SUB1: variants seen among roughly 807,000 people sequenced by gnomAD.
SUB1 encodes the protein activated RNA polymerase II transcriptional coactivator p15.
SUB1 carries 1 observed loss-of-function variant against 16.9 expected under a neutral mutation model. The ratio of observed to expected loss-of-function variants is 0.06; its 90% CI spans 0.02 to 0.28. The LOEUF is 0.28. SUB1 is among the 10% of genes least tolerant of loss of function. The pLI, the probability that SUB1 is intolerant of heterozygous loss-of-function variation, is 1.00. For missense variants in SUB1, 84 were observed against 145.2 expected, an observed-to-expected ratio of 0.58 and a Z score of 2.16; for synonymous variants, 51 against 46.9, an observed-to-expected ratio of 1.09 and a Z score of -0.36.
chr5:32,601,225 T>A lies in SUB1; in HGVS notation c.*141T>A. On this transcript the variant is annotated 3_prime_UTR_variant, in exon 5 of 5. Coordinates refer to ENST00000265073, the MANE Select transcript of SUB1 (RefSeq NM_006713.4). ...AATTTGTAAGATGAATACTTTTTTT[T>A]AATGTGCATTATTAAAAATATTGAG... The A allele has an allele frequency of 3.1e-6, 2 of 647,384 alleles. No individual in the cohort carries two copies. The highest frequency in any genetic ancestry group is 5.3e-6 in the Non-Finnish European group (2 of 378,594). 40.1% of individuals were successfully genotyped at this position (647,384 alleles called of 1,614,324 possible).
chr5:32,593,672 C>G (rs1409738281), intron 3 of SUB1, among the ~76,000 whole-genome samples: 2 of 151,894 alleles, frequency 1.3e-5, no homozygotes, highest in Non-Finnish European at 2.9e-5. Flanking sequence ...AAGCCTGCCT[C>G]TAGGAGGAAC....
At chr5:32,598,854 A>G (rs1739046795) in intron 3 of SUB1, 107 bp from the exon 4 acceptor site, 1 of 813,294 alleles carries the variant, frequency 1.2e-6, no homozygotes, top group Non-Finnish European at 2.0e-6. Context: ...AGTCATTTTC[A>G]TGATTAGATG....
At chr5:32,600,866 A>C in intron 4 of SUB1, 139 bp from the exon 5 acceptor site, 2 of 667,994 alleles carry the variant, frequency 3.0e-6, no homozygotes, top group Non-Finnish European at 5.2e-6. Context: ...TGGCCTCCCA[A>C]AGTGCTGGGA....
At chr5:32,589,089 T>G (rs993927380) in intron 2 of SUB1, among the ~76,000 whole-genome samples, 1 of 151,982 alleles carries the variant, frequency 6.6e-6, no homozygotes, top group Non-Finnish European at 1.5e-5. Flanking sequence ...TTTTGTAAAA[T>G]GTTAATTTTT....
At position 32,590,771 on chromosome 5, in the gene SUB1, T is replaced by A. The variant is rs1478268215; in HGVS notation, c.73-792T>A. ...CCACCACGCCTGGCTAATTTTTTTTTTTTTTTTTTTTTTTGAGATGGAGTA... is the reference window on the plus strand; with the variant it reads ...CCACCACGCCTGGCTAATTTTTTTTATTTTTTTTTTTTTTGAGATGGAGTA... On this transcript the variant is annotated intron_variant, in intron 2 of 4. Transcript: ENST00000265073. Among the ~76,000 whole-genome samples, 81 of 106,376 alleles carry A rather than the reference T, an allele frequency of 7.6e-4. 1 individual carries two copies. The highest frequency in any genetic ancestry group is 2.5e-3 in the African/African-American group (78 of 31,514). The allele number at this position is 106,376 out of a possible 152,430, so 69.8% of individuals were successfully genotyped here. A position where few individuals can be genotyped will look rare whatever the true frequency, so the allele number is the denominator to read the frequency against.
chr5:32,591,557 T>G lies in SUB1; in HGVS notation c.73-6T>G. The G allele has an allele frequency of 1.9e-6, 3 of 1,588,152 alleles. No individual in the cohort carries two copies. The highest frequency in any genetic ancestry group is 2.6e-6 in the Non-Finnish European group (3 of 1,172,146). On this transcript the variant is annotated splice_region_variant and splice_polypyrimidine_tract_variant and intron_variant, in intron 2 of 4. Coordinates refer to ENST00000265073, the MANE Select transcript of SUB1 (RefSeq NM_006713.4). ...GTGTGCAAATTTTAACCATATTCTT[T>G]TCTAGTTAAAGAGGAAAAAGCAAGT... is the stretch of plus-strand genomic sequence containing the variant.
Position 32,603,630 on chromosome 5 carries a change from A to G in SUB1, c.*2546A>G, listed in dbSNP as rs1355438656. 6.6e-6 allele frequency: 1 copy of G among 152,298 alleles called. No individual in the cohort carries two copies. Among genetic ancestry groups the G allele is most frequent in the African/African-American group, 2.4e-5 (1 of 41,570 alleles). 9.4% of individuals were successfully genotyped at this position (152,298 alleles called of 1,614,324 possible). On this transcript the variant is annotated 3_prime_UTR_variant, in exon 5 of 5. Coordinates refer to ENST00000265073, the MANE Select transcript of SUB1 (RefSeq NM_006713.4). ...TAAGAATACTCCTACCTCATTAGCTACTCAAGATGCTGTGACGATCAAATC... is the reference window on the plus strand; with the variant it reads ...TAAGAATACTCCTACCTCATTAGCTGCTCAAGATGCTGTGACGATCAAATC...
chr5:32,588,409 A>G (rs1267826092), intron 1 of SUB1, 103 bp from the exon 2 acceptor site: 2 of 992,664 alleles, frequency 2.0e-6, no homozygotes, highest in Non-Finnish European at 3.0e-6. Context: ...GGTAGAATGA[A>G]CCGTGGAACT....
At chr5:32,588,429 T>G in intron 1 of SUB1, 83 bp from the exon 2 acceptor site, 1 of 1,268,038 alleles carries the variant, frequency 7.9e-7, no homozygotes, top group South Asian at 1.4e-5. Context: ...TTGTCCTTGA[T>G]TTTTTTCTTT....
In SUB1 at chr5:32,588,501, T is replaced by C. The variant is rs767116690; in HGVS notation, c.-1-11T>C. 6.2e-7 allele frequency: 1 copy of C among 1,610,470 alleles called. No homozygotes were observed. The highest frequency in any genetic ancestry group is 1.1e-5 in the South Asian group (1 of 90,850). On this transcript the variant is annotated splice_polypyrimidine_tract_variant and intron_variant, in intron 1 of 4. Transcript: ENST00000265073. The stretch of plus-strand genomic sequence containing the variant: ...CTTATTAATTATTTTTGTAATGTAT[T>C]TTTCTTTCAGGATGCCTAAATCAAA...
chr5:32,598,340 T>C (rs1056870297), intron 3 of SUB1: 4 of 152,256 alleles, frequency 2.6e-5, no homozygotes, highest in African/African-American at 9.6e-5. Flanking sequence ...GTAATCATGA[T>C]GAAAAATAAT....
At chr5:32,592,455 C>T (rs1018783486) in intron 3 of SUB1, among the ~76,000 whole-genome samples, 9 of 152,088 alleles carry the variant, frequency 5.9e-5, no homozygotes, top group South Asian at 2.1e-4. Flanking sequence ...TCTTGGGTTT[C>T]CTGTCTTGTT....
chr5:32,598,694 GTT>G (rs1345742479), intron 3 of SUB1: 2 of 267,176 alleles, frequency 7.5e-6, no homozygotes, highest in African/African-American at 2.2e-5. Context: ...TTTTCTTAAT[GTT>G]TTCGTTATTT....
rs1265024556 is a variant in SUB1 at position 32,601,310 on chromosome 5, T to C, written c.*226T>C. On this transcript the variant is annotated 3_prime_UTR_variant, in exon 5 of 5. Coordinates refer to ENST00000265073, the MANE Select transcript of SUB1 (RefSeq NM_006713.4). The stretch of plus-strand genomic sequence containing the variant: ...TGTCTGCCCACCACCTAGTGTAAAA[T>C]AAAATCAAGTAATACAATCTTAACT... 6.5e-6 allele frequency: 3 copies of C among 459,562 alleles called. No homozygotes were observed. Among genetic ancestry groups the C allele is most frequent in the East Asian group, 4.2e-5 (1 of 23,662 alleles). The allele number at this position is 459,562 out of a possible 1,614,324, so 28.5% of individuals were successfully genotyped here.
chr5:32,598,056 T>TTTTTTATTTTTATTTTTATTTTTA (rs57838226), intron 3 of SUB1: 3 of 149,806 alleles, frequency 2.0e-5, no homozygotes, highest in Non-Finnish European at 3.0e-5. Flanking sequence ...GCAATTCAAC[T>TTTTTTATTTTTATTTTTATTTTTA]TTTTTATTTT....
chr5:32,593,361 C>G (rs1048994573), intron 3 of SUB1, among the ~76,000 whole-genome samples: 6 of 151,994 alleles, frequency 3.9e-5, no homozygotes, highest in Admixed American at 3.3e-4. Flanking sequence ...ATATTTTGAC[C>G]TGTTGATAAC....
chr5:32,589,526 G>A (rs540593063), intron 2 of SUB1, among the ~76,000 whole-genome samples: 5 of 152,116 alleles, frequency 3.3e-5, no homozygotes, highest in South Asian at 2.1e-4. Context: ...AAATCAGCAC[G>A]CAGTAAAGCT....
At chr5:32,590,848 A>T (rs964444493) in intron 2 of SUB1, among the ~76,000 whole-genome samples, 1 of 138,518 alleles carries the variant, frequency 7.2e-6, no homozygotes, top group Admixed American at 7.6e-5. Context: ...GCTCACTGCA[A>T]CCTCAGCCTC....
At position 32,601,347 on chromosome 5, in the gene SUB1, T is replaced by A; in HGVS notation, c.*263T>A. On this transcript the variant is annotated 3_prime_UTR_variant, in exon 5 of 5. Coordinates refer to ENST00000265073, the MANE Select transcript of SUB1 (RefSeq NM_006713.4). ...ATACAATCTTAACTGTTGTGGCCTT[T>A]TTTGATCATAAGAGTTGGTACTGTT... 1 of 361,614 alleles carries A rather than the reference T, an allele frequency of 2.8e-6. No homozygotes were observed. Among genetic ancestry groups the A allele is most frequent in the South Asian group, 3.4e-5 (1 of 29,160 alleles). 22.4% of individuals were successfully genotyped at this position (361,614 alleles called of 1,614,324 possible).
Sources: allele counts gnomAD v4.1 joint callset (sites outside exome capture counted in the v4.1 genomes callset), GRCh38; gene constraint gnomAD v4.1.1; transcripts MANE v1.5; gene names NCBI Gene and HGNC (gene_info 2026-07-23, HGNC 2026-07-21).